The following APC variants were observed in gnomAD, a reference collection of about 807,000 sequenced individuals.
The protein encoded by APC is adenomatous polyposis coli protein.
A neutral mutation model predicts 247.0 loss-of-function variants in APC; 72 were observed. The ratio of observed to expected loss-of-function variants is 0.29; its 90% CI spans 0.24 to 0.35. APC has a LOEUF of 0.35. APC is among the 10% of genes least tolerant of loss of function. The pLI is 1.00. For synonymous variants in APC, 1,254 were observed against 1,162.5 expected (o/e 1.08, Z -1.60); for missense variants, 3,400 against 3,360.7 (o/e 1.01, Z -0.29).
At chr5:112,768,822 C>T (rs1284996621) in intron 4 of APC, among the ~76,000 whole-genome samples, 2 of 151,416 alleles carry the variant, frequency 1.3e-5, no homozygotes, top group Non-Finnish European at 2.9e-5. Context: ...TGTACAGTAG[C>T]GTAGAACACA....
upstream of APC, among the ~76,000 whole-genome samples, chr5:112,733,919 T>C (rs2149675550): frequency 6.6e-6 from 1 of 152,284 alleles, no homozygotes; most frequent in East Asian, 1.9e-4. Flanking sequence ...AGAGAGGATA[T>C]TGGTGAGAGG....
At chr5:112,722,506 A>G (rs1751538202) in intron 1 of APC, among the ~76,000 whole-genome samples, 1 of 152,126 alleles carries the variant, frequency 6.6e-6, no homozygotes, top group Non-Finnish European at 1.5e-5. Flanking sequence ...CTGTCTATCC[A>G]GAAATACCAT....
rs1411710258 is a variant in APC, at chr5:112,707,622, A to C, written c.-96A>C. On this transcript the variant is annotated 5_prime_UTR_variant, in exon 1 of 14. Transcript: ENST00000507379. ...GCGGGCTCAGGCCCGGGAGCTGCGG[A>C]CCGAGGTTGGCTCGATGCTGTTCCC... The C allele has an allele frequency of 2.3e-6, 3 of 1,288,626 alleles. No individual in the cohort carries two copies. Among genetic ancestry groups the C allele is most frequent in the African/African-American group, 1.5e-5 (1 of 67,928 alleles). 79.8% of individuals were successfully genotyped at this position (1,288,626 alleles called of 1,614,324 possible).
At chr5:112,770,815 C>T (rs901746319) in intron 4 of APC, among the ~76,000 whole-genome samples, 1 of 152,030 alleles carries the variant, frequency 6.6e-6, no homozygotes, top group African/African-American at 2.4e-5. Context: ...GTTTTTAATT[C>T]TGTACCAATT....
At chr5:112,810,718 C>A (rs1171528214) in intron 8 of APC, among the ~76,000 whole-genome samples, 1 of 152,096 alleles carries the variant, frequency 6.6e-6, no homozygotes, top group Non-Finnish European at 1.5e-5. Flanking sequence ...TAAAAGCTAG[C>A]AAGAGAATTA....
In APC at chr5:112,840,905, A is replaced by G. The variant is rs2149937206; in HGVS notation, c.5311A>G (p.Lys1771Glu). ...NKNQLDGKKKKPTSPVKPIPQ... is the reference protein window; with the variant it reads ...NKNQLDGKKKEPTSPVKPIPQ... Reference sequence around the variant, plus strand: ...AAATCAGTTAGATGGTAAGAAAAAGAAACCAACTTCACCAGTAAAACCTAT... The same window carrying G: ...AAATCAGTTAGATGGTAAGAAAAAGGAACCAACTTCACCAGTAAAACCTAT... Residue 1771 changes from lysine (K) to glutamate (E), a missense_variant, in exon 16 of 16, where the codon AAA becomes GAA. This residue lies in a region of APC where 1,788 missense variants were observed against 1,649.5 expected (regional missense o/e 1.08). Transcript: ENST00000257430. This position sits in a 1 kb window ranked among gnomAD's most constrained non-coding sequence, Gnocchi z 4.1. 6.2e-7 allele frequency: 1 copy of G among 1,613,946 alleles called. No homozygotes were observed. Among genetic ancestry groups the G allele is most frequent in the South Asian group, 1.1e-5 (1 of 91,080 alleles).
In APC at chr5:112,843,346, A is replaced by G. The variant is rs2149993168; in HGVS notation, c.7752A>G (p.Ala2584=). The part of the protein sequence containing the change: ...LSASSESSEK[A]KSEDEKHVNS... Reference sequence around the variant, plus strand: ...CTTCATCAGAATCCAGTGAAAAAGCAAAAAGTGAGGATGAAAAACATGTGA... The same window carrying G: ...CTTCATCAGAATCCAGTGAAAAAGCGAAAAGTGAGGATGAAAAACATGTGA... The change falls in exon 16 of 16, where the codon GCA becomes GCG. Residue 2584 remains alanine, a synonymous_variant. Coordinates refer to ENST00000257430, the MANE Select transcript of APC (RefSeq NM_000038.6). The surrounding 1 kb of genome is among the most constrained non-coding windows in gnomAD (Gnocchi z 4.8). 1 of 1,613,996 alleles carries G rather than the reference A, an allele frequency of 6.2e-7. No individual in the cohort carries two copies. Among genetic ancestry groups the G allele is most frequent in the Non-Finnish European group, 8.5e-7 (1 of 1,179,916 alleles).
At chr5:112,709,414 G>T (rs1750719308) in intron 1 of APC, among the ~76,000 whole-genome samples, 1 of 152,128 alleles carries the variant, frequency 6.6e-6, no homozygotes, top group Non-Finnish European at 1.5e-5. Flanking sequence ...TAGTTCATTC[G>T]TTGCTAGCCT....
rs1350471118 is a variant in APC, at chr5:112,835,096, C to T, written c.1889C>T (p.Ala630Val). 1.9e-6 allele frequency: 3 copies of T among 1,614,086 alleles called. No homozygotes were observed. The South Asian group carries it at 3.3e-5, about 18-fold the overall frequency. The change falls in exon 15 of 16, where the codon GCC (alanine) becomes GTC (valine). Residue 630 changes from alanine (A) to valine (V), a missense_variant. Transcript: ENST00000257430. The stretch of plus-strand genomic sequence containing the variant: ...TACCGGAGCCAGACAAACACTTTAG[C>T]CATTATTGAAAGTGGAGGTGGGATA... ...LTYRSQTNTLAIIESGGGILR... is the reference protein window; with the variant it reads ...LTYRSQTNTLVIIESGGGILR...
At chr5:112,803,784 A>G (rs114579230) in intron 8 of APC, among the ~76,000 whole-genome samples, 400 of 152,314 alleles carry the variant, frequency 2.6e-3, no homozygotes, top group Non-Finnish European at 3.6e-3. Flanking sequence ...AAAATGATAA[A>G]TTACATCTCT....
intron 6 of APC, among the ~76,000 whole-genome samples, chr5:112,784,216 TGC>T (rs1470342828): frequency 6.6e-6 from 1 of 152,126 alleles, no homozygotes; most frequent in Non-Finnish European, 1.5e-5. Context: ...TATAGTTGTG[TGC>T]CACCACGCCC....
Position 112,774,824 on chromosome 5 carries a change from T to C in APC, c.423-805T>C, listed in dbSNP as rs538853226. Among the ~76,000 whole-genome samples the C allele has an allele frequency of 3.9e-5, 6 of 152,306 alleles. No homozygotes were observed. In the South Asian group the frequency reaches 1.2e-3, roughly 32 times the overall value. ...AAAAAAGTTGCAGGACAACATACAC[T>C]ATAATAATATGCTACAATTTATATT... On this transcript the variant is annotated intron_variant, in intron 4 of 15. Coordinates refer to ENST00000257430, the MANE Select transcript of APC (RefSeq NM_000038.6).
upstream of APC, among the ~76,000 whole-genome samples, chr5:112,733,564 A>G (rs1752203013): frequency 3.3e-5 from 5 of 152,212 alleles, no homozygotes; most frequent in South Asian, 1.0e-3. Context: ...TGTAGAAGCC[A>G]GAAAGGATAA....
rs192432737 is a variant in APC at position 112,749,648 on chromosome 5, C to T, written c.-18-5225C>T. 5.3e-5 allele frequency among the ~76,000 whole-genome samples: 8 copies of T among 151,820 alleles called. No individual in the cohort carries two copies. In the East Asian group the frequency reaches 9.7e-4, roughly 18 times the overall value. On this transcript the variant is annotated intron_variant, in intron 1 of 15. Coordinates refer to ENST00000257430, the MANE Select transcript of APC (RefSeq NM_000038.6). ...GACTACAGGCACATGCCACCATGCCCGGCTAATTTTTGTATTTTTAGTAGA... is the reference window on the plus strand; with the variant it reads ...GACTACAGGCACATGCCACCATGCCTGGCTAATTTTTGTATTTTTAGTAGA...
chr5:112,774,304 A>T (rs1040174720), intron 4 of APC, among the ~76,000 whole-genome samples: 3 of 152,134 alleles, frequency 2.0e-5, no homozygotes, highest in African/African-American at 7.2e-5. Flanking sequence ...TTTTTGAGTA[A>T]CATGATGCTC....
At chr5:112,815,399 A>G in intron 8 of APC, 96 bp from the exon 9 acceptor site, 4 of 859,968 alleles carry the variant, frequency 4.7e-6, no homozygotes, top group South Asian at 1.3e-5. Context: ...TTAATTGTTT[A>G]TCATACAGAC....
At chr5:112,813,039 T>C (rs1762142611) in intron 8 of APC, among the ~76,000 whole-genome samples, 1 of 152,318 alleles carries the variant, frequency 6.6e-6, no homozygotes, top group South Asian at 2.1e-4. Context: ...GGGGAGCCAC[T>C]CTGGACTCTG....
rs2149868805 is a variant in APC at position 112,838,010 on chromosome 5, C to A, written c.2416C>A (p.His806Asn). The stretch of plus-strand genomic sequence containing the variant: ...TGATTATGTTTTTGACACCAATCGA[C>A]ATGATGATAATAGGTCAGACAATTT... ...YGDYVFDTNRHDDNRSDNFNT... is the reference protein window; with the variant it reads ...YGDYVFDTNRNDDNRSDNFNT... Residue 806 changes from histidine to asparagine, a missense_variant, in exon 16 of 16, where the codon CAT (histidine) becomes AAT (asparagine). His to Asn is a moderately conservative substitution (Grantham distance 68). Transcript: ENST00000257430. The A allele has an allele frequency of 6.2e-7, 1 of 1,614,128 alleles. No homozygotes were observed. The highest frequency in any genetic ancestry group is 8.5e-7 in the Non-Finnish European group (1 of 1,180,008).
chr5:112,826,650 G>A (rs1175589487), intron 11 of APC, among the ~76,000 whole-genome samples: 15 of 147,076 alleles, frequency 1.0e-4, no homozygotes, highest in African/African-American at 2.5e-4. Context: ...AAAGGCATCC[G>A]TATTCCTAAG....
Sources: allele counts gnomAD v4.1 joint callset (sites outside exome capture counted in the v4.1 genomes callset), GRCh38; gene constraint gnomAD v4.1.1; regional missense constraint gnomAD v4.1.1; non-coding constraint Gnocchi (gnomAD v3.1); transcripts MANE v1.5; gene names NCBI Gene and HGNC (gene_info 2026-07-23, HGNC 2026-07-21).